Variants in ZBBX observed in about 807,000 individuals in gnomAD.
ZBBX encodes the protein zinc finger B-box domain containing, also known as zinc finger B-box domain-containing protein 1.
A neutral mutation model predicts 108.5 loss-of-function variants in ZBBX; 101 were observed. The observed-to-expected ratio is 0.93, with a 90% CI of 0.79 to 1.10. The LOEUF is 1.10. ZBBX is among the 50% of genes least tolerant of loss of function. The pLI is 0.00. For missense variants in ZBBX, 1,009 were observed against 941.4 expected (o/e 1.07, Z -0.94); for synonymous variants, 356 against 323.4 (o/e 1.10, Z -1.08).
At chr3:167,391,062 C>T (rs189510944) in intron 1 of ZBBX, among the ~76,000 whole-genome samples, 2 of 151,988 alleles carry the variant, frequency 1.3e-5, no homozygotes, top group African/African-American at 4.8e-5. Context: ...TGTCTTGTGC[C>T]GGTTTTCAAA....
the ZBBX span, among the ~76,000 whole-genome samples, chr3:167,207,958 C>G: frequency 6.6e-6 from 1 of 152,146 alleles, no homozygotes; most frequent in African/African-American, 2.4e-5. Context: ...CACCCCTCTA[C>G]CATCGTCAAA....
the ZBBX span, among the ~76,000 whole-genome samples, chr3:167,185,929 A>T: frequency 6.6e-6 from 1 of 151,960 alleles, no homozygotes; most frequent in East Asian, 1.9e-4. Context: ...TATAAAGAAG[A>T]CTCCATTGAA....
chr3:167,373,312 T>C (rs1746448962), intron 3 of ZBBX, among the ~76,000 whole-genome samples: 1 of 152,206 alleles, frequency 6.6e-6, no homozygotes, highest in South Asian at 2.1e-4. Context: ...TCCTAGGATT[T>C]TGGTGTTTGC....
intron 16 of ZBBX, among the ~76,000 whole-genome samples, chr3:167,310,515 G>T (rs1734394128): frequency 6.6e-6 from 1 of 152,126 alleles, no homozygotes; most frequent in South Asian, 2.1e-4. Flanking sequence ...GTTCCACATG[G>T]CTGGGAGGTC....
the ZBBX span, among the ~76,000 whole-genome samples, chr3:167,196,060 T>C: frequency 6.6e-6 from 1 of 152,168 alleles, no homozygotes; most frequent in African/African-American, 2.4e-5. Context: ...TATACATTCT[T>C]CTGCATGACA....
the ZBBX span, among the ~76,000 whole-genome samples, chr3:167,220,813 C>T: frequency 6.6e-6 from 1 of 151,826 alleles, no homozygotes; most frequent in Non-Finnish European, 1.5e-5. Context: ...ATAATATCAT[C>T]TTAAATTTGG....
the ZBBX span, among the ~76,000 whole-genome samples, chr3:167,203,720 T>A: frequency 6.6e-6 from 1 of 152,056 alleles, no homozygotes; most frequent in Non-Finnish European, 1.5e-5. Context: ...TATCTTCCTG[T>A]TGTATTTATT....
At chr3:167,330,945 T>TTCTCTCTCTCTCTCTCTC (rs151154237) in intron 10 of ZBBX, among the ~76,000 whole-genome samples, 2,907 of 87,126 alleles carry the variant, frequency 0.033, 205 homozygotes, top group South Asian at 0.05. Flanking sequence ...CTCTCTTTCT[T>TTCTCTCTCTCTCTCTCTC]TCTCTCTCTC....
intron 20 of ZBBX, among the ~76,000 whole-genome samples, chr3:167,259,601 T>C (rs1436034470): frequency 2.6e-5 from 4 of 152,130 alleles, no homozygotes; most frequent in Middle Eastern, 3.2e-3. Context: ...CTTTTTGATA[T>C]AGGCGTTCAG....
At position 167,350,468 on chromosome 3, in the gene ZBBX, T is replaced by G; in HGVS notation, c.480A>C (p.Lys160Asn). The G allele has an allele frequency of 6.3e-7, 1 of 1,595,558 alleles. No individual in the cohort carries two copies. The highest frequency in any genetic ancestry group is 2.2e-5 in the East Asian group (1 of 44,454). The change falls in exon 9 of 22, where the codon AAA becomes AAC. Residue 160 changes from lysine (K) to asparagine (N), a missense_variant. Lys to Asn is a moderately conservative substitution (Grantham distance 94, BLOSUM62 0). Coordinates refer to ENST00000675490, the MANE Select transcript of ZBBX (RefSeq NM_001199201.2). ...GCTTTAGTGCCCCTTTCTGGTGAAC[T>G]TTAGCAAAGCATCCTGAACAATAAT... ...GEDYCSGCFA[K>N]VHQKGALKLH...
chr3:167,331,507 C>T, intron 10 of ZBBX: 13 of 959,688 alleles, frequency 1.4e-5, no homozygotes, highest in Non-Finnish European at 1.6e-5. Context: ...AGCTTCCTTC[C>T]AAGCAATGAA....
rs891421749 is a variant in ZBBX at position 167,248,803 on chromosome 3, A to G, written c.2255-6160T>C. On this transcript the variant is annotated intron_variant, in intron 20 of 21. Transcript: ENST00000675490. ...GGCTCAGGAAACTCAAGGTTTGCTG[A>G]AAGCAGGGAGAAATGGGGGCAAAGG... Among the ~76,000 whole-genome samples, 12 of 152,326 alleles carry G rather than the reference A, an allele frequency of 7.9e-5. No homozygotes were observed. The South Asian group carries it at 2.5e-3, about 32-fold the overall frequency.
At chr3:167,303,725 C>T (rs931861125) in intron 17 of ZBBX, among the ~76,000 whole-genome samples, 2 of 152,090 alleles carry the variant, frequency 1.3e-5, no homozygotes, top group African/African-American at 2.4e-5. Flanking sequence ...ACTGTTGAGG[C>T]TATCTGTTGC....
rs367958487 is a variant in ZBBX at position 167,267,018 on chromosome 3, G to A, written c.2254+15220C>T. Among the ~76,000 whole-genome samples the A allele has an allele frequency of 1.9e-4, 29 of 152,248 alleles. 1 individual carries two copies. The highest frequency in any genetic ancestry group is 9.2e-4 in the Admixed American group (14 of 15,282). ...GAAAATGGGGCTCACATACTGCAGC[G>A]ACCAGGTAAACTCTGTGCACAAACC... On this transcript the variant is annotated intron_variant, in intron 20 of 21. Coordinates refer to ENST00000675490, the MANE Select transcript of ZBBX (RefSeq NM_001199201.2).
At chr3:167,407,019 AC>A (rs1414236834) in intron 1 of ZBBX, among the ~76,000 whole-genome samples, 9 of 152,238 alleles carry the variant, frequency 5.9e-5, no homozygotes, top group Non-Finnish European at 1.3e-4. Context: ...AGACTGACTC[AC>A]CACTGTGAAA....
chr3:167,322,680 A>G (rs1736645106), intron 11 of ZBBX, among the ~76,000 whole-genome samples: 1 of 152,108 alleles, frequency 6.6e-6, no homozygotes, highest in Non-Finnish European at 1.5e-5. Flanking sequence ...TCACAAATTT[A>G]TATCTACATG....
chr3:167,203,113 A>C, the ZBBX span, among the ~76,000 whole-genome samples: 1 of 152,166 alleles, frequency 6.6e-6, no homozygotes, highest in Non-Finnish European at 1.5e-5. Context: ...TGACCTAAAA[A>C]AAATTTCTCA....
At chr3:167,262,416 T>C (rs1724711197) in intron 20 of ZBBX, among the ~76,000 whole-genome samples, 2 of 152,258 alleles carry the variant, frequency 1.3e-5, no homozygotes, top group South Asian at 4.1e-4. Flanking sequence ...CCGTTTTTGT[T>C]GGAACACTTT....
At chr3:167,377,213 A>G (rs1747099678) in intron 2 of ZBBX, among the ~76,000 whole-genome samples, 1 of 152,200 alleles carries the variant, frequency 6.6e-6, no homozygotes, top group African/African-American at 2.4e-5. Context: ...ATTTTGAGAA[A>G]GCAACCCACA....
Sources: allele counts gnomAD v4.1 joint callset (sites outside exome capture counted in the v4.1 genomes callset), GRCh38; gene constraint gnomAD v4.1.1; transcripts MANE v1.5; gene names NCBI Gene and HGNC (gene_info 2026-07-23, HGNC 2026-07-21).